TFEC: variants seen among roughly 807,000 people sequenced by gnomAD.
TFEC encodes transcription factor EC.
A neutral mutation model predicts 41.6 loss-of-function variants in TFEC; 31 were observed. That is an observed-to-expected ratio of 0.74 (90% CI 0.56 to 1.01). TFEC has a LOEUF of 1.01. Ranked by LOEUF, TFEC falls within the 50% of genes least tolerant of loss-of-function variation. The pLI is 0.00. For missense variants in TFEC, 402 were observed against 404.1 expected, an observed-to-expected ratio of 0.99 and a Z score of 0.04; for synonymous variants, 143 against 140.6, an observed-to-expected ratio of 1.02 and a Z score of -0.12.
At chr7:116,038,439 A>T (rs1433888392) in intron 3 of TFEC, among the ~76,000 whole-genome samples, 3 of 152,010 alleles carry the variant, frequency 2.0e-5, no homozygotes, top group Admixed American at 6.6e-5. Context: ...GACTGATAAG[A>T]CTTAAAATAT....
intron 3 of TFEC, among the ~76,000 whole-genome samples, chr7:116,056,146 A>G (rs919242933): frequency 6.6e-6 from 1 of 152,100 alleles, no homozygotes; most frequent in Non-Finnish European, 1.5e-5. Flanking sequence ...GAGACTAGAC[A>G]TCATCAACAA....
chr7:116,038,590 G>T (rs1383034287), intron 3 of TFEC, among the ~76,000 whole-genome samples: 1 of 152,016 alleles, frequency 6.6e-6, no homozygotes, highest in Admixed American at 6.6e-5. Flanking sequence ...ACCATCTCAT[G>T]TTAGCATGCT....
intron 1 of TFEC, chr7:116,121,372 A>G (rs956636402): frequency 4.6e-5 from 7 of 152,012 alleles, no homozygotes; most frequent in African/African-American, 1.7e-4. Flanking sequence ...CATAGAAACA[A>G]AAAGCCAATT....
In TFEC at chr7:115,940,906, T is replaced by G. The variant is rs1793460754; in HGVS notation, c.689A>C (p.His230Pro). 2 of 1,604,260 alleles carry G rather than the reference T, an allele frequency of 1.2e-6. No individual in the cohort carries two copies. Among genetic ancestry groups the G allele is most frequent in the African/African-American group, 2.7e-5 (2 of 74,462 alleles). Residue 230 changes from histidine to proline, a missense_variant, in exon 8 of 8, where the codon CAT (histidine) becomes CCT (proline). His to Pro is a moderately conservative substitution (Grantham distance 77). Transcript: ENST00000265440. ...IQELEIQART[H>P]GLPTLASLGT... Reference sequence around the variant, plus strand: ...AAGTGAAGCCAGGGTTGGCAGACCATGAGTACGAGCCTGAATTTCTAGTTC... The same window carrying G: ...AAGTGAAGCCAGGGTTGGCAGACCAGGAGTACGAGCCTGAATTTCTAGTTC...
intron 1 of TFEC, among the ~76,000 whole-genome samples, chr7:115,988,929 C>A (rs979846648): frequency 1.3e-5 from 2 of 152,062 alleles, no homozygotes; most frequent in African/African-American, 2.4e-5. Context: ...ACAAACCATG[C>A]AAGCAAGAAG....
intron 2 of TFEC, among the ~76,000 whole-genome samples, chr7:115,981,203 C>T (rs1015063835): frequency 1.3e-5 from 2 of 152,004 alleles, no homozygotes; most frequent in Admixed American, 6.6e-5. Flanking sequence ...TTATGCTTGT[C>T]TACTCTGCCC....
chr7:115,994,405 C>T (rs1055444099), intron 1 of TFEC, among the ~76,000 whole-genome samples: 27 of 152,204 alleles, frequency 1.8e-4, no homozygotes, highest in African/African-American at 6.5e-4. Context: ...AAACTACCAT[C>T]AGAGTGAACA....
intron 3 of TFEC, among the ~76,000 whole-genome samples, chr7:116,088,322 A>G (rs1379569675): frequency 6.6e-6 from 1 of 152,116 alleles, no homozygotes; most frequent in Non-Finnish European, 1.5e-5. Context: ...TGTCTTTCCA[A>G]TTAGACTGTC....
intron 3 of TFEC, among the ~76,000 whole-genome samples, chr7:115,969,501 G>T (rs779676043): frequency 2.0e-5 from 3 of 151,860 alleles, no homozygotes; most frequent in Non-Finnish European, 4.4e-5. Flanking sequence ...TCCAAACTAA[G>T]CAAAGGAAGT....
intron 3 of TFEC, among the ~76,000 whole-genome samples, chr7:116,104,478 C>T (rs1797671793): frequency 6.6e-6 from 1 of 152,120 alleles, no homozygotes; most frequent in African/African-American, 2.4e-5. Flanking sequence ...TTCAGTTCAT[C>T]CATTACTCAT....
At chr7:116,061,663 A>G (rs961110157) in intron 3 of TFEC, among the ~76,000 whole-genome samples, 6 of 138,072 alleles carry the variant, frequency 4.3e-5, no homozygotes, top group African/African-American at 1.4e-4. Flanking sequence ...GAATGAAAAG[A>G]TAAGACTACG....
intron 1 of TFEC, among the ~76,000 whole-genome samples, chr7:116,004,916 G>C (rs774684211): frequency 1.3e-5 from 2 of 152,070 alleles, no homozygotes; most frequent in Non-Finnish European, 2.9e-5. Context: ...CTGAATCATG[G>C]GGGCAGGTCT....
chr7:116,156,122 A>G lies in TFEC; in HGVS notation c.-69+3668T>C, dbSNP rs573000589. On this transcript the variant is annotated intron_variant, in intron 1 of 8. Transcript: ENST00000484212. ...AGGAGTCCTGGTTACTCCCTTAAAG[A>G]ATCTTAGCCTGTGCTGACAGCAGAG... Among the ~76,000 whole-genome samples, 8 of 152,288 alleles carry G rather than the reference A, an allele frequency of 5.3e-5. No individual in the cohort carries two copies. The South Asian group carries it at 1.7e-3, about 32-fold the overall frequency.
intron 5 of TFEC, 89 bp from the exon 6 acceptor site, chr7:115,951,038 A>C (rs1238726902): frequency 2.9e-6 from 2 of 699,594 alleles, no homozygotes. Context: ...TCTTTTAAAA[A>C]CAATGGGAAA....
chr7:115,938,434 A>T lies in TFEC; in HGVS notation c.*2117T>A, dbSNP rs1272133592. The T allele has an allele frequency of 6.6e-6, 1 of 151,924 alleles. No homozygotes were observed. Among genetic ancestry groups the T allele is most frequent in the Non-Finnish European group, 1.5e-5 (1 of 67,896 alleles). The allele number at this position is 151,924 out of a possible 1,614,324, so 9.4% of individuals were successfully genotyped here. On this transcript the variant is annotated 3_prime_UTR_variant, in exon 8 of 8. Coordinates refer to ENST00000265440, the MANE Select transcript of TFEC (RefSeq NM_012252.4). ...TAATATCGTCTTGAAAATTATTGAGAAGATGTATCTAATAGCTGTTTCACA... is the reference window on the plus strand; with the variant it reads ...TAATATCGTCTTGAAAATTATTGAGTAGATGTATCTAATAGCTGTTTCACA...
chr7:116,107,095 T>C (rs1455464668), intron 3 of TFEC, among the ~76,000 whole-genome samples: 2 of 152,154 alleles, frequency 1.3e-5, no homozygotes, highest in African/African-American at 4.8e-5. Context: ...CAGATGCGAT[T>C]TAAGAGAACT....
chr7:116,017,156 G>A (rs979944272), intron 1 of TFEC, among the ~76,000 whole-genome samples: 1 of 152,094 alleles, frequency 6.6e-6, no homozygotes, highest in Non-Finnish European at 1.5e-5. Flanking sequence ...CCTTCAAAAT[G>A]TACTTTTAAA....
At chr7:115,985,523 T>C (rs982720736) in intron 1 of TFEC, among the ~76,000 whole-genome samples, 1 of 152,160 alleles carries the variant, frequency 6.6e-6, no homozygotes, top group Non-Finnish European at 1.5e-5. Context: ...TTTCCTTTTA[T>C]TTCAGTTACA....
At chr7:116,053,070 TA>T (rs1311609355) in intron 3 of TFEC, among the ~76,000 whole-genome samples, 14 of 150,574 alleles carry the variant, frequency 9.3e-5, no homozygotes, top group Non-Finnish European at 7.4e-5. Context: ...AGACTCCATT[TA>T]AAAAAAAAGA....
Sources: allele counts gnomAD v4.1 joint callset (sites outside exome capture counted in the v4.1 genomes callset), GRCh38; gene constraint gnomAD v4.1.1; transcripts MANE v1.5; gene names NCBI Gene and HGNC (gene_info 2026-07-23, HGNC 2026-07-21).